IL12RB1: variants seen among roughly 807,000 people sequenced by gnomAD.
The protein encoded by IL12RB1 is interleukin 12 receptor subunit beta 1, also known as interleukin-12 receptor subunit beta-1.
In IL12RB1, 64 loss-of-function variants were observed where a neutral mutation model predicts 94.4. That is an observed-to-expected ratio of 0.68 (90% CI 0.55 to 0.83). The LOEUF is 0.83. Among genes scored for constraint, IL12RB1 ranks in the 40% least tolerant of loss-of-function variants. The probability of loss-of-function intolerance (pLI) is 0.00; values close to 1 mark genes in which losing one functional copy is unlikely to be tolerated. For missense variants in IL12RB1, 814 were observed against 855.6 expected, an observed-to-expected ratio of 0.95 and a Z score of 0.61; for synonymous variants, 362 against 355.5, an observed-to-expected ratio of 1.02 and a Z score of -0.21.
At chr19:18,061,508 G>A (rs1264666454) in intron 14 of IL12RB1, among the ~76,000 whole-genome samples, 1 of 152,114 alleles carries the variant, frequency 6.6e-6, no homozygotes, top group Non-Finnish European at 1.5e-5. Context: ...GGGATTACAG[G>A]AGTGAGCCAC....
At chr19:18,077,225 G>A (rs1300392381) in intron 5 of IL12RB1, among the ~76,000 whole-genome samples, 1 of 152,126 alleles carries the variant, frequency 6.6e-6, no homozygotes, top group African/African-American at 2.4e-5. Context: ...GCGTGTGGTA[G>A]TGGGCGCATG....
At chr19:18,061,974 C>T (rs979952981) in intron 14 of IL12RB1, among the ~76,000 whole-genome samples, 4 of 152,220 alleles carry the variant, frequency 2.6e-5, no homozygotes, top group Non-Finnish European at 5.9e-5. Context: ...GGCTACTCTC[C>T]GCCTACAGGG....
intron 4 of IL12RB1, 119 bp downstream of exon 4, chr19:18,080,713 G>T (rs1343134151): frequency 2.6e-6 from 2 of 782,118 alleles, no homozygotes; most frequent in Non-Finnish European, 4.7e-6. Flanking sequence ...TACGTGAAGT[G>T]ACAATGGCTA....
At chr19:18,065,215 C>G (rs2034491123) in intron 12 of IL12RB1, among the ~76,000 whole-genome samples, 1 of 152,126 alleles carries the variant, frequency 6.6e-6, no homozygotes, top group Admixed American at 6.6e-5. Context: ...CAAAAACCCT[C>G]CTGGCTAAAC....
chr19:18,069,859 TGCACTGGAG>T lies in IL12RB1; in HGVS notation c.1022-155_1022-147del, dbSNP rs1324045059. On this transcript the variant is annotated intron_variant, in intron 9 of 16. Transcript: ENST00000593993. ...GGGTGTCTGTGTTTGGCTGTTTCCC[TGCACTGGAG>T]GCTGCCTTGGGGCCAGGCACAAAGT... 4.6e-6 allele frequency: 3 copies of T among 657,316 alleles called. No homozygotes were observed. In the African/African-American group the frequency reaches 5.4e-5, roughly 12 times the overall value. The allele number at this position is 657,316 out of a possible 1,614,324, so 40.7% of individuals were successfully genotyped here.
At chr19:18,092,131 C>A (rs2146575297) in intron 1 of IL12RB1, among the ~76,000 whole-genome samples, 1 of 151,224 alleles carries the variant, frequency 6.6e-6, no homozygotes, top group East Asian at 2.0e-4. Context: ...CTGGCCTCGG[C>A]CTCCCAAAGG....
intron 7 of IL12RB1, among the ~76,000 whole-genome samples, chr19:18,074,279 T>G (rs548282848): frequency 1.2e-4 from 19 of 152,290 alleles, no homozygotes; most frequent in African/African-American, 4.6e-4. Flanking sequence ...CCCAAAGTGC[T>G]GGGATTACAG....
chr19:18,068,580 C>T, intron 10 of IL12RB1, 54 bp from the exon 11 acceptor site: 2 of 1,477,846 alleles, frequency 1.4e-6, no homozygotes, highest in Non-Finnish European at 1.9e-6. Flanking sequence ...CCCACCTCTG[C>T]ACCTTTGCAC....
rs144617214 is a variant in IL12RB1, at chr19:18,069,907, C to T, written c.1022-194G>A. On this transcript the variant is annotated intron_variant, in intron 9 of 16. Transcript: ENST00000593993. Reference sequence around the variant, plus strand: ...CAGGCACAAAGTGGGTAGCAGATGGCGTTTGTTTTTTTTTGTTTTTTCTTT... The same window carrying T: ...CAGGCACAAAGTGGGTAGCAGATGGTGTTTGTTTTTTTTTGTTTTTTCTTT... Among the ~76,000 whole-genome samples the T allele has an allele frequency of 7.1e-4, 108 of 151,918 alleles. 1 individual carries two copies. The East Asian group carries it at 0.016, about 22-fold the overall frequency.
chr19:18,096,251 A>T (rs558811337), intron 1 of IL12RB1, among the ~76,000 whole-genome samples: 86 of 151,656 alleles, frequency 5.7e-4, no homozygotes, highest in African/African-American at 1.2e-3. Context: ...CAAAAAAAAA[A>T]TTTTTTTTTA....
intron 2 of IL12RB1, among the ~76,000 whole-genome samples, chr19:18,082,627 G>A (rs1243821360): frequency 6.6e-6 from 1 of 152,192 alleles, no homozygotes. Context: ...CTAGGCTGTG[G>A]TCTTGGGAAG....
upstream of IL12RB1, among the ~76,000 whole-genome samples, chr19:18,089,008 G>C (rs2036514069): frequency 6.7e-6 from 1 of 149,692 alleles, no homozygotes; most frequent in Non-Finnish European, 1.5e-5. Context: ...TCCAGCCTGG[G>C]TGACAGAGTG....
At chr19:18,070,015 A>G (rs2034908101) in intron 9 of IL12RB1, among the ~76,000 whole-genome samples, 1 of 152,080 alleles carries the variant, frequency 6.6e-6, no homozygotes, top group Non-Finnish European at 1.5e-5. Context: ...TCCCGGGTTC[A>G]AATGAGTCTC....
chr19:18,066,101 G>C (rs1183271298), intron 12 of IL12RB1, among the ~76,000 whole-genome samples: 2 of 148,470 alleles, frequency 1.3e-5, no homozygotes, highest in Non-Finnish European at 3.0e-5. Context: ...TTTTTTGTTT[G>C]TTTGTTTTCG....
chr19:18,080,757 CCT>C (rs2035839657), intron 4 of IL12RB1, 73 bp downstream of exon 4: 6 of 984,014 alleles, frequency 6.1e-6, no homozygotes, highest in Non-Finnish European at 9.9e-6. Context: ...GGCCAGGAAT[CCT>C]CTCTAGCTCC....
At position 18,059,994 on chromosome 19, in the gene IL12RB1, C is replaced by T. The variant is rs773786998; in HGVS notation, c.1883G>A (p.Arg628Lys). ...VVEMSWDKGERTEPLEKTELP... is the reference protein window; with the variant it reads ...VVEMSWDKGEKTEPLEKTELP... ...CTCTGTCTTCTCGAGAGGCTCAGTC[C>T]TCTCGCCTTTGTCCCAGGACATCTC... Residue 628 changes from arginine (R) to lysine (K), a missense_variant, in exon 16 of 17, where the codon AGG (arginine) becomes AAG (lysine). By Grantham distance (26) the Arg-to-Lys change is conservative. Transcript: ENST00000593993. The T allele has an allele frequency of 6.2e-7, 1 of 1,601,234 alleles. No individual in the cohort carries two copies. Among genetic ancestry groups the T allele is most frequent in the Non-Finnish European group, 8.5e-7 (1 of 1,171,170 alleles).
rs117209918 is a variant in IL12RB1, at chr19:18,067,950, C to T, written c.1327+439G>A. On this transcript the variant is annotated intron_variant, in intron 11 of 16. Coordinates refer to ENST00000593993, the MANE Select transcript of IL12RB1 (RefSeq NM_005535.3). Reference sequence around the variant, plus strand: ...GGTTCAAGTGATCCACAAGCCTCAGCCTCCCAAAGTGCCAAAGTGCTGGGA... The same window carrying T: ...GGTTCAAGTGATCCACAAGCCTCAGTCTCCCAAAGTGCCAAAGTGCTGGGA... Among the ~76,000 whole-genome samples the T allele has an allele frequency of 4.4e-4, 67 of 151,906 alleles. 1 individual carries two copies. The East Asian group carries it at 0.011, about 26-fold the overall frequency.
At chr19:18,064,130 C>CTTTTT in intron 12 of IL12RB1, 120 bp from the exon 13 acceptor site, 2 of 461,898 alleles carry the variant, frequency 4.3e-6, no homozygotes, top group Non-Finnish European at 3.9e-6. Flanking sequence ...AATCTCTACT[C>CTTTTT]TTTCTTTCTT....
chr19:18,084,033 A>G (rs1229116782), intron 1 of IL12RB1, among the ~76,000 whole-genome samples: 1 of 144,870 alleles, frequency 6.9e-6, no homozygotes, highest in Non-Finnish European at 1.5e-5. Context: ...CCATCCATCC[A>G]TCCATCCATC....
Sources: gnomAD v4.1 joint callset for allele counts (sites outside exome capture counted in the v4.1 genomes callset) on GRCh38, gnomAD v4.1.1 for gene constraint, MANE v1.5 for transcripts, NCBI Gene and HGNC (gene_info 2026-07-23, HGNC 2026-07-21) for gene names.